The following DDX19B variants were observed in gnomAD, a reference collection of about 807,000 sequenced individuals.
DDX19B encodes the protein DEAD-box helicase 19B, also known as ATP-dependent RNA helicase DDX19B.
Under a neutral mutation model 58.1 loss-of-function variants are expected in DDX19B, and 27 were observed. The observed-to-expected ratio is 0.46, with a 90% confidence interval of 0.34 to 0.64. The LOEUF (loss-of-function observed/expected upper bound fraction) is 0.64, where lower values mean the gene tolerates loss of function less well. Ranked by LOEUF, DDX19B falls within the 30% of genes least tolerant of loss-of-function variation. DDX19B has a pLI of 0.01. For missense variants in DDX19B, 399 were observed against 596.5 expected (o/e 0.67, Z 3.45); for synonymous variants, 187 against 214.4 (o/e 0.87, Z 1.12).
chr16:70,300,573 G>A (rs369066229), intron 1 of DDX19B, among the ~76,000 whole-genome samples: 9 of 151,136 alleles, frequency 6.0e-5, no homozygotes, highest in Middle Eastern at 3.5e-3. Context: ...CTGTCACCCA[G>A]GCTGGAGTGC....
At chr16:70,298,482 A>G, upstream of DDX19B, among the ~76,000 whole-genome samples, 1 of 151,550 alleles carries the variant, frequency 6.6e-6, no homozygotes, top group East Asian at 1.9e-4. Flanking sequence ...TTATTTTACT[A>G]TTTTAATTTT....
At chr16:70,307,725 G>T (rs886643438) in intron 1 of DDX19B, among the ~76,000 whole-genome samples, 1 of 149,820 alleles carries the variant, frequency 6.7e-6, no homozygotes, top group African/African-American at 2.5e-5. Context: ...GTATATATGT[G>T]TGTATTTTTT....
chr16:70,327,873 G>A (rs766061872), intron 7 of DDX19B, among the ~76,000 whole-genome samples: 4 of 151,970 alleles, frequency 2.6e-5, no homozygotes, highest in African/African-American at 9.7e-5. Context: ...GTTGTTGGCC[G>A]GACATGATGG....
At position 70,333,175 on chromosome 16, in the gene DDX19B, G is replaced by C; in HGVS notation, c.1378+16G>C. 1 of 1,326,612 alleles carries C rather than the reference G, an allele frequency of 7.5e-7. No homozygotes were observed. The highest frequency in any genetic ancestry group is 1.0e-6 in the Non-Finnish European group (1 of 970,860). 82.2% of individuals were successfully genotyped at this position (1,326,612 alleles called of 1,614,324 possible). A position where few individuals can be genotyped will look rare whatever the true frequency, so the allele number is the denominator to read the frequency against. On this transcript the variant is annotated intron_variant, in intron 11 of 11. Coordinates refer to ENST00000288071, the MANE Select transcript of DDX19B (RefSeq NM_007242.7). ...GAGCATTTTAGTGAGTCCCGGGGAG[G>C]GTCCTGTGCCTGGCGCCCTTTGCTA...
chr16:70,326,455 C>T (rs1364279760), intron 7 of DDX19B, among the ~76,000 whole-genome samples: 1 of 152,184 alleles, frequency 6.6e-6, no homozygotes, highest in Admixed American at 6.5e-5. Flanking sequence ...CGAGCCTGGG[C>T]GACAGAGCGA....
upstream of DDX19B, among the ~76,000 whole-genome samples, chr16:70,291,916 G>C (rs1961069037): frequency 6.6e-6 from 1 of 152,132 alleles, no homozygotes; most frequent in African/African-American, 2.4e-5. Flanking sequence ...GGGAGGCCAA[G>C]GCAGGAGGAT....
chr16:70,292,691 A>G (rs1247139300), upstream of DDX19B, among the ~76,000 whole-genome samples: 1 of 152,182 alleles, frequency 6.6e-6, no homozygotes, highest in Non-Finnish European at 1.5e-5. Flanking sequence ...CGATATGCAC[A>G]TGGCTTGCTC....
upstream of DDX19B, among the ~76,000 whole-genome samples, chr16:70,291,283 C>G (rs1004765047): frequency 6.6e-6 from 1 of 152,098 alleles, no homozygotes; most frequent in African/African-American, 2.4e-5. Flanking sequence ...CCAGGAGACA[C>G]AAGTGTTTAT....
intron 5 of DDX19B, among the ~76,000 whole-genome samples, chr16:70,318,701 C>G (rs1399450651): frequency 1.3e-5 from 2 of 150,722 alleles, no homozygotes; most frequent in Admixed American, 6.7e-5. Flanking sequence ...GAGGCTGAGG[C>G]AGGAGAATCG....
chr16:70,332,056 C>T (rs530955974), intron 10 of DDX19B, among the ~76,000 whole-genome samples, 172 bp downstream of exon 10: 31 of 152,326 alleles, frequency 2.0e-4, no homozygotes, highest in Middle Eastern at 6.8e-3. Flanking sequence ...GTGATAAGAA[C>T]TCCCACAGAA....
chr16:70,300,486 G>A (rs1961437494), intron 1 of DDX19B, among the ~76,000 whole-genome samples: 1 of 152,080 alleles, frequency 6.6e-6, no homozygotes, highest in African/African-American at 2.4e-5. Flanking sequence ...GGGATTACAG[G>A]TGTGAGCCAC....
upstream of DDX19B, among the ~76,000 whole-genome samples, chr16:70,292,298 C>G (rs1961077332): frequency 6.6e-6 from 1 of 152,058 alleles, no homozygotes; most frequent in South Asian, 2.1e-4. Flanking sequence ...CACCACCACG[C>G]CCAGTTATTT....
intron 5 of DDX19B, among the ~76,000 whole-genome samples, chr16:70,320,960 C>CTT (rs904476486): frequency 1.9e-3 from 207 of 108,644 alleles, no homozygotes; most frequent in African/African-American, 5.4e-3. Flanking sequence ...CCACACTAGG[C>CTT]TTTTTTTTTT....
chr16:70,293,827 G>A (rs1007925841), upstream of DDX19B, among the ~76,000 whole-genome samples: 1 of 150,008 alleles, frequency 6.7e-6, no homozygotes, highest in African/African-American at 2.5e-5. Context: ...TAGCCAGGAT[G>A]GTCTCGATCT....
chr16:70,307,113 A>G (rs1409320156), intron 1 of DDX19B, among the ~76,000 whole-genome samples: 1 of 152,126 alleles, frequency 6.6e-6, no homozygotes, highest in Non-Finnish European at 1.5e-5. Context: ...TTATTTATCC[A>G]CTTATCAATT....
intron 1 of DDX19B, among the ~76,000 whole-genome samples, chr16:70,299,984 A>G (rs1961400611): frequency 6.6e-6 from 1 of 152,126 alleles, no homozygotes; most frequent in Non-Finnish European, 1.5e-5. Flanking sequence ...TGTGTTAAAC[A>G]CTACTGCGTA....
At chr16:70,299,478 A>G (rs1265543667) in intron 1 of DDX19B, 124 bp downstream of exon 1, 2 of 1,174,988 alleles carry the variant, frequency 1.7e-6, no homozygotes, top group South Asian at 1.8e-5. Flanking sequence ...ATAGGGATGG[A>G]GCCTGGACCC....
intron 1 of DDX19B, among the ~76,000 whole-genome samples, chr16:70,304,221 A>G (rs1338467577): frequency 6.6e-6 from 1 of 151,374 alleles, no homozygotes; most frequent in Non-Finnish European, 1.5e-5. Context: ...TTGTATTTTT[A>G]GTAGAGACAG....
At chr16:70,329,562 T>C in intron 8 of DDX19B, 93 bp downstream of exon 8, 1 of 1,554,624 alleles carries the variant, frequency 6.4e-7, no homozygotes, top group African/African-American at 1.4e-5. Flanking sequence ...TCTGCCTGGG[T>C]CTTGGCTCTC....
Sources: allele counts gnomAD v4.1 joint callset (sites outside exome capture counted in the v4.1 genomes callset), GRCh38; gene constraint gnomAD v4.1.1; transcripts MANE v1.5; gene names NCBI Gene and HGNC (gene_info 2026-07-23, HGNC 2026-07-21).